Variants in ATP11A observed in about 807,000 individuals in gnomAD.
ATP11A encodes ATPase phospholipid transporting 11A, also known as phospholipid-transporting ATPase IH.
In ATP11A, 81 loss-of-function variants were observed where a neutral mutation model predicts 154.4. That is an observed-to-expected ratio of 0.52 (90% CI 0.44 to 0.63). The LOEUF (loss-of-function observed/expected upper bound fraction) is 0.63, where lower values mean the gene tolerates loss of function less well. ATP11A is among the 30% of genes least tolerant of loss of function. ATP11A has a pLI of 0.00. For missense variants in ATP11A, 1,316 were observed against 1,474.3 expected (o/e 0.89, Z 1.76); for synonymous variants, 623 against 585.9 (o/e 1.06, Z -0.91).
chr13:112,695,947 A>G (rs1053085251), intron 1 of ATP11A, among the ~76,000 whole-genome samples: 4 of 152,354 alleles, frequency 2.6e-5, no homozygotes, highest in African/African-American at 9.6e-5. Context: ...ATAAGGGATG[A>G]TTTTCTCTTT....
intron 1 of ATP11A, among the ~76,000 whole-genome samples, chr13:112,722,031 A>G (rs1889256541): frequency 6.6e-6 from 1 of 152,140 alleles, no homozygotes; most frequent in African/African-American, 2.4e-5. Context: ...GAAGGACGCT[A>G]CAGTTTGCAA....
At position 112,852,187 on chromosome 13, in the gene ATP11A, T is replaced by G. The variant is rs76027960; in HGVS notation, c.1991+969T>G. ...GTTTGTAGGAATGGAAGAAAAAAAA[T>G]GCCCCAATTGATGAGAATGAAGCAG... On this transcript the variant is annotated intron_variant, in intron 18 of 29. Transcript: ENST00000375645. 1.2e-3 allele frequency among the ~76,000 whole-genome samples: 184 copies of G among 152,138 alleles called. 1 individual carries two copies. The highest frequency in any genetic ancestry group is 4.1e-3 in the African/African-American group (172 of 41,484).
intron 16 of ATP11A, among the ~76,000 whole-genome samples, chr13:112,840,941 G>A (rs939963557): frequency 1.3e-5 from 2 of 152,144 alleles, no homozygotes; most frequent in African/African-American, 4.8e-5. Context: ...TAGACTTCCC[G>A]AGGGCCCTCA....
chr13:112,761,122 C>T (rs34618332), intron 1 of ATP11A, among the ~76,000 whole-genome samples: 7,284 of 152,230 alleles, frequency 0.048, 259 homozygotes, highest in Admixed American at 0.08. Flanking sequence ...CTCCCCACCC[C>T]CCTTATGGCC....
At chr13:112,743,730 A>G (rs1891807306) in intron 1 of ATP11A, among the ~76,000 whole-genome samples, 1 of 152,252 alleles carries the variant, frequency 6.6e-6, no homozygotes, top group Non-Finnish European at 1.5e-5. Context: ...CTTTGAGCTC[A>G]GGAATGTAAC....
chr13:112,762,433 A>G (rs539229854), intron 1 of ATP11A, among the ~76,000 whole-genome samples: 3 of 152,226 alleles, frequency 2.0e-5, no homozygotes, highest in South Asian at 2.1e-4. Context: ...AACTGTCTCT[A>G]TGGGCCCCCG....
In ATP11A at chr13:112,860,296, G is replaced by C. The variant is rs773436710; in HGVS notation, c.2737G>C (p.Asp913His). 1 of 1,613,812 alleles carries C rather than the reference G, an allele frequency of 6.2e-7. No homozygotes were observed. The highest frequency in any genetic ancestry group is 2.2e-5 in the East Asian group (1 of 44,884). Residue 913 changes from aspartate to histidine, a missense_variant, in exon 24 of 30, where the codon GAC becomes CAC. By Grantham distance (81) the Asp-to-His change is moderately conservative. Coordinates refer to ENST00000375645, the MANE Select transcript of ATP11A (RefSeq NM_015205.3). ...GACTTTCCTCTTACAGACTTTGTAC[G>C]ACACCGCGTATCTGACCCTCTACAA... ...FCGFSQQTLY[D>H]TAYLTLYNIS...
intron 25 of ATP11A, among the ~76,000 whole-genome samples, chr13:112,863,659 CG>C (rs1450685815): frequency 6.9e-6 from 1 of 144,112 alleles, no homozygotes; most frequent in Non-Finnish European, 1.5e-5. Flanking sequence ...AGCTTCCCAG[CG>C]GGATCCATCA....
chr13:112,810,730 A>G lies in ATP11A; in HGVS notation c.441+4A>G. The G allele has an allele frequency of 6.2e-7, 1 of 1,613,374 alleles. No individual in the cohort carries two copies. The highest frequency in any genetic ancestry group is 8.5e-7 in the Non-Finnish European group (1 of 1,179,310). ...GAAACAAAGTCGAAAGCTGCGAGTA[A>G]GTGACACCCGACACATTTACGCTGG... On this transcript the variant is annotated splice_donor_region_variant and intron_variant, in intron 5 of 29. Coordinates refer to ENST00000375645, the MANE Select transcript of ATP11A (RefSeq NM_015205.3).
chr13:112,849,424 T>C (rs2079699263), intron 17 of ATP11A, among the ~76,000 whole-genome samples: 2 of 152,378 alleles, frequency 1.3e-5, no homozygotes, highest in South Asian at 4.1e-4. Context: ...GATTGACTTT[T>C]AAAAGCAGCG....
At chr13:112,878,104 G>T in intron 28 of ATP11A, 113 bp from the exon 29 acceptor site, 2 of 1,009,514 alleles carry the variant, frequency 2.0e-6, no homozygotes, top group Non-Finnish European at 1.5e-6. Flanking sequence ...ACTCAGCTCT[G>T]TCTCTTGTTT....
At chr13:112,805,123 C>A in intron 3 of ATP11A, 77 bp downstream of exon 3, 2 of 1,070,756 alleles carry the variant, frequency 1.9e-6, no homozygotes, top group South Asian at 1.5e-5. Context: ...GTAACTGCCA[C>A]ACGGCTAATG....
At chr13:112,823,797 T>G (rs999392981) in intron 9 of ATP11A, among the ~76,000 whole-genome samples, 3 of 152,208 alleles carry the variant, frequency 2.0e-5, no homozygotes, top group African/African-American at 7.2e-5. Flanking sequence ...TGTGCCCCAC[T>G]GTCAGAAAAT....
intron 1 of ATP11A, among the ~76,000 whole-genome samples, chr13:112,694,446 G>A (rs1014217625): frequency 2.6e-5 from 4 of 152,116 alleles, no homozygotes; most frequent in African/African-American, 4.8e-5. Context: ...GAGGTAAACC[G>A]GGCACCCTGA....
At chr13:112,876,937 C>A (rs1186621245) in intron 28 of ATP11A, among the ~76,000 whole-genome samples, 1 of 152,212 alleles carries the variant, frequency 6.6e-6, no homozygotes, top group Non-Finnish European at 1.5e-5. Flanking sequence ...CAGAATGGGA[C>A]CCTGGCTTGA....
intron 24 of ATP11A, among the ~76,000 whole-genome samples, chr13:112,862,117 C>T (rs1566585981): frequency 6.6e-6 from 1 of 152,342 alleles, no homozygotes; most frequent in East Asian, 1.9e-4. Context: ...GCTCGGTGAA[C>T]GTCAGGGGTG....
intron 1 of ATP11A, among the ~76,000 whole-genome samples, chr13:112,759,800 T>C (rs897090950): frequency 1.5e-4 from 23 of 152,242 alleles, no homozygotes; most frequent in African/African-American, 4.8e-4. Context: ...AATTCTTCTG[T>C]TTATAAAATG....
intron 1 of ATP11A, among the ~76,000 whole-genome samples, chr13:112,775,079 G>A (rs887300920): frequency 2.0e-5 from 3 of 152,268 alleles, no homozygotes; most frequent in Non-Finnish European, 2.9e-5. Flanking sequence ...TGGGTTGCCC[G>A]CAGGGGCCTT....
intron 1 of ATP11A, among the ~76,000 whole-genome samples, chr13:112,778,421 A>AG (rs1230081901): frequency 6.6e-6 from 1 of 152,248 alleles, no homozygotes; most frequent in Non-Finnish European, 1.5e-5. Context: ...TAAAACACTG[A>AG]GGTAGCTAGA....
Sources: gnomAD v4.1 joint callset for allele counts (sites outside exome capture counted in the v4.1 genomes callset) on GRCh38, gnomAD v4.1.1 for gene constraint, MANE v1.5 for transcripts, NCBI Gene and HGNC (gene_info 2026-07-23, HGNC 2026-07-21) for gene names.